The following MLF1 variants were observed in gnomAD, a reference collection of about 807,000 sequenced individuals.
MLF1 encodes the protein myeloid leukemia factor 1.
Under a neutral mutation model 38.3 loss-of-function variants are expected in MLF1, and 37 were observed. That is an observed-to-expected ratio of 0.96 (90% CI 0.74 to 1.27). The LOEUF is 1.27. Among genes scored for constraint, MLF1 ranks in the 50% most tolerant of loss-of-function variants. The pLI, the probability that MLF1 is intolerant of heterozygous loss-of-function variation, is 0.00. For missense variants in MLF1, 331 were observed against 349.2 expected, an observed-to-expected ratio of 0.95 and a Z score of 0.42; for synonymous variants, 95 against 106.5, an observed-to-expected ratio of 0.89 and a Z score of 0.66.
chr3:158,579,722 A>G (rs1287461683), intron 1 of MLF1, among the ~76,000 whole-genome samples: 1 of 152,212 alleles, frequency 6.6e-6, no homozygotes, highest in Non-Finnish European at 1.5e-5. Context: ...GCACTCCCTT[A>G]TTCAAAGAAC....
intron 6 of MLF1, among the ~76,000 whole-genome samples, chr3:158,601,802 T>C (rs1230385477): frequency 2.6e-5 from 3 of 117,080 alleles, no homozygotes; most frequent in Admixed American, 1.1e-4. Context: ...TTGATAAAAT[T>C]ATTCTTTTTT....
At chr3:158,572,914 G>A (rs1260601514) in intron 1 of MLF1, among the ~76,000 whole-genome samples, 1 of 151,630 alleles carries the variant, frequency 6.6e-6, no homozygotes, top group Non-Finnish European at 1.5e-5. Context: ...CACACTCCCG[G>A]GGTGCCTGCT....
intron 1 of MLF1, among the ~76,000 whole-genome samples, chr3:158,575,830 A>G (rs185848487): frequency 4.6e-5 from 7 of 152,262 alleles, no homozygotes; most frequent in Admixed American, 4.6e-4. Context: ...TAATTAGAAC[A>G]TTACGATTTT....
At chr3:158,591,499 A>C (rs934254805) in intron 1 of MLF1, among the ~76,000 whole-genome samples, 1 of 152,148 alleles carries the variant, frequency 6.6e-6, no homozygotes, top group Non-Finnish European at 1.5e-5. Context: ...CTTTATGATG[A>C]CATCAGAGGA....
chr3:158,588,628 GA>G (rs1284558901), intron 1 of MLF1, among the ~76,000 whole-genome samples: 3 of 120,118 alleles, frequency 2.5e-5, no homozygotes, highest in Non-Finnish European at 3.6e-5. Context: ...AAAAAAAGCA[GA>G]AAAAAACTGC....
chr3:158,602,704 C>A, intron 6 of MLF1, 103 bp from the exon 7 acceptor site: 1 of 1,115,934 alleles, frequency 9.0e-7, no homozygotes, highest in South Asian at 1.8e-5. Flanking sequence ...ATTGAGGTTA[C>A]ACTAATGAAA....
intron 3 of MLF1, among the ~76,000 whole-genome samples, chr3:158,596,481 TAAGGAAAATTATGAAA>T (rs1560108524): frequency 6.6e-6 from 1 of 152,164 alleles, no homozygotes; most frequent in East Asian, 1.9e-4. Flanking sequence ...TATTGAGAGA[TAAGGAAAATTATGAAA>T]ACTATCGTAT....
At position 158,605,461 on chromosome 3, in the gene MLF1, T is replaced by C; in HGVS notation, c.*259T>C. The C allele has an allele frequency of 7.1e-6, 2 of 283,260 alleles. No individual in the cohort carries two copies. Among genetic ancestry groups the C allele is most frequent in the Non-Finnish European group, 1.3e-5 (2 of 151,660 alleles). 17.5% of individuals were successfully genotyped at this position (283,260 alleles called of 1,614,324 possible). On this transcript the variant is annotated 3_prime_UTR_variant, in exon 8 of 8. Transcript: ENST00000466246. ...AAACATACTAATTTTTTAAAGCTTA[T>C]ATGCTTATTTCGCTTCCCCAGTTGT...
rs1719180572 is a variant in MLF1 at position 158,598,204 on chromosome 3, G to C, written c.449G>C (p.Gly150Ala). 1 of 1,612,098 alleles carries C rather than the reference G, an allele frequency of 6.2e-7. No homozygotes were observed. The highest frequency in any genetic ancestry group is 1.7e-5 in the Admixed American group (1 of 59,446). Reference protein sequence around the residue: ...QASTQTRRAPGGIKETRKAMR... With the variant: ...QASTQTRRAPAGIKETRKAMR... ...TCAACTCAAACTCGTCGAGCTCCAG[G>C]AGGAGTAAGTTTTCTATAAGCATTC... The change falls in exon 5 of 8, where the codon GGA (glycine) becomes GCA (alanine). Residue 150 changes from glycine to alanine, a missense_variant. Coordinates refer to ENST00000466246, the MANE Select transcript of MLF1 (RefSeq NM_001369783.1).
intron 1 of MLF1, among the ~76,000 whole-genome samples, chr3:158,574,188 G>A (rs568730333): frequency 6.6e-6 from 1 of 152,132 alleles, no homozygotes; most frequent in South Asian, 2.1e-4. Flanking sequence ...TGAACAGTGG[G>A]AAATGAAATG....
chr3:158,580,787 G>GA (rs35608474), intron 1 of MLF1, among the ~76,000 whole-genome samples: 26,067 of 131,992 alleles, frequency 0.2, 2,769 homozygotes, highest in African/African-American at 0.31. Flanking sequence ...GTCTCTACCA[G>GA]AAAAAAAAAA....
At chr3:158,585,343 C>T (rs149650238) in intron 1 of MLF1, among the ~76,000 whole-genome samples, 1 of 152,272 alleles carries the variant, frequency 6.6e-6, no homozygotes, top group East Asian at 1.9e-4. Context: ...GATCTCTGCA[C>T]ATACTGGTTC....
At chr3:158,604,975 AT>A in intron 7 of MLF1, 121 bp from the exon 8 acceptor site, 2 of 760,934 alleles carry the variant, frequency 2.6e-6, no homozygotes, top group Non-Finnish European at 4.2e-6. Flanking sequence ...TTTCAAAGCC[AT>A]TAAGGAATTT....
chr3:158,598,882 G>T (rs1419398305), intron 5 of MLF1, among the ~76,000 whole-genome samples: 1 of 151,930 alleles, frequency 6.6e-6, no homozygotes, highest in Non-Finnish European at 1.5e-5. Flanking sequence ...TAAAAAAATG[G>T]ATTATTTTCC....
intron 3 of MLF1, among the ~76,000 whole-genome samples, chr3:158,595,451 G>A (rs1718749734): frequency 6.6e-6 from 1 of 152,096 alleles, no homozygotes; most frequent in Non-Finnish European, 1.5e-5. Flanking sequence ...AACATGAATT[G>A]AGAAGAGGGC....
chr3:158,589,618 G>A (rs1436695046), intron 1 of MLF1, among the ~76,000 whole-genome samples: 1 of 152,230 alleles, frequency 6.6e-6, no homozygotes, highest in Non-Finnish European at 1.5e-5. Flanking sequence ...TAAAAGAGGA[G>A]TGAGACTTTT....
chr3:158,592,393 T>A, intron 1 of MLF1, 41 bp from the exon 2 acceptor site: 1 of 1,556,464 alleles, frequency 6.4e-7, no homozygotes, highest in Non-Finnish European at 8.7e-7. Flanking sequence ...CTATTTAAAC[T>A]CCAACACTGA....
chr3:158,572,746 G>A (rs1487087991), intron 1 of MLF1, among the ~76,000 whole-genome samples: 1 of 141,374 alleles, frequency 7.1e-6, no homozygotes, highest in Non-Finnish European at 1.5e-5. Flanking sequence ...TTGAGGGTGT[G>A]AGGTGGACAG....
intron 1 of MLF1, among the ~76,000 whole-genome samples, chr3:158,575,193 G>A (rs1395955026): frequency 1.3e-5 from 2 of 152,104 alleles, no homozygotes. Context: ...CAAATGCAAG[G>A]AGCCATATCA....
Sources: allele counts gnomAD v4.1 joint callset (sites outside exome capture counted in the v4.1 genomes callset), GRCh38; gene constraint gnomAD v4.1.1; transcripts MANE v1.5; gene names NCBI Gene and HGNC (gene_info 2026-07-23, HGNC 2026-07-21).